Variants in TMPRSS6 observed in about 807,000 individuals in gnomAD.
TMPRSS6 encodes the protein transmembrane serine protease 6.
In TMPRSS6, 67 loss-of-function variants were observed where a neutral mutation model predicts 101.5. The observed-to-expected ratio is 0.66, with a 90% CI of 0.54 to 0.81. The LOEUF is 0.81. Among genes scored for constraint, TMPRSS6 ranks in the 30% least tolerant of loss-of-function variants. The pLI, the probability that TMPRSS6 is intolerant of heterozygous loss-of-function variation, is 0.00. For missense variants in TMPRSS6, 1,034 were observed against 1,088.7 expected, an observed-to-expected ratio of 0.95 and a Z score of 0.71; for synonymous variants, 453 against 464.9, an observed-to-expected ratio of 0.97 and a Z score of 0.33.
chr22:37,085,243 G>C (rs1928641701), intron 8 of TMPRSS6, among the ~76,000 whole-genome samples: 1 of 152,112 alleles, frequency 6.6e-6, no homozygotes, highest in South Asian at 2.1e-4. Context: ...CTTGGTTGAG[G>C]CTACACCGTG....
intron 10 of TMPRSS6, among the ~76,000 whole-genome samples, chr22:37,078,943 G>GAGAAAAAGAAAGAAAGAAAGAA (rs1484386942): frequency 8.0e-6 from 1 of 124,724 alleles, no homozygotes; most frequent in African/African-American, 3.0e-5. Context: ...GAAGGAGAAG[G>GAGAAAAAGAAAGAAAGAAAGAA]AGAAGGAGAA....
upstream of TMPRSS6, among the ~76,000 whole-genome samples, chr22:37,110,485 G>A (rs990634700): frequency 5.9e-5 from 9 of 152,048 alleles, no homozygotes; most frequent in Non-Finnish European, 7.4e-5. Flanking sequence ...TGTCCATGAC[G>A]GTAGCCGCTG....
In TMPRSS6 at chr22:37,109,491, G is replaced by A. The variant is rs2146205071; in HGVS notation, c.-2+12C>T. The A allele has an allele frequency of 1.3e-5, 2 of 152,594 alleles. No individual in the cohort carries two copies. Among genetic ancestry groups the A allele is most frequent in the South Asian group, 2.1e-4 (1 of 4,832 alleles). The allele number at this position is 152,594 out of a possible 1,614,324, so 9.5% of individuals were successfully genotyped here. On this transcript the variant is annotated intron_variant, in intron 1 of 17. Coordinates refer to ENST00000676104, the MANE Select transcript of TMPRSS6 (RefSeq NM_001374504.1). ...TAGATCCCGGTCCCCTGTCCTGGAG[G>A]CCCCCGCTTACCTTTGGGAGCGGCA...
intron 2 of TMPRSS6, among the ~76,000 whole-genome samples, chr22:37,099,338 G>C (rs931508693): frequency 6.6e-6 from 1 of 152,200 alleles, no homozygotes; most frequent in African/African-American, 2.4e-5. Context: ...GGGGAGGGGC[G>C]GCAAGGAGCT....
At chr22:37,096,337 G>C (rs1929760362) in intron 4 of TMPRSS6, among the ~76,000 whole-genome samples, 1 of 152,228 alleles carries the variant, frequency 6.6e-6, no homozygotes, top group African/African-American at 2.4e-5. Context: ...ACCAGATGTG[G>C]ACGGGGCAGT....
chr22:37,108,973 T>A (rs1930892778), intron 1 of TMPRSS6, among the ~76,000 whole-genome samples: 1 of 152,052 alleles, frequency 6.6e-6, no homozygotes, highest in Admixed American at 6.6e-5. Flanking sequence ...TATACGCACA[T>A]CTATTCATGA....
At chr22:37,095,416 G>T in intron 6 of TMPRSS6, 135 bp downstream of exon 6, 1 of 1,103,250 alleles carries the variant, frequency 9.1e-7, no homozygotes. Context: ...AGTCCACCAT[G>T]GCATCCCCTG....
intron 11 of TMPRSS6, 146 bp from the exon 12 acceptor site, chr22:37,074,854 C>A: frequency 1.1e-6 from 1 of 902,962 alleles, no homozygotes. Context: ...CACCTGTGTA[C>A]ACAGTCCAAG....
At chr22:37,076,344 C>T (rs181157783) in intron 10 of TMPRSS6, among the ~76,000 whole-genome samples, 14 of 152,304 alleles carry the variant, frequency 9.2e-5, no homozygotes, top group African/African-American at 2.6e-4. Flanking sequence ...TGATGGGCAG[C>T]ACCTTCTCTG....
At chr22:37,092,192 G>C (rs924787339) in intron 6 of TMPRSS6, among the ~76,000 whole-genome samples, 2 of 151,728 alleles carry the variant, frequency 1.3e-5, no homozygotes, top group African/African-American at 2.4e-5. Context: ...GGGCTGGGAG[G>C]AATTAACTGA....
intron 13 of TMPRSS6, among the ~76,000 whole-genome samples, chr22:37,072,257 GAT>G (rs1927045238): frequency 7.1e-6 from 1 of 141,002 alleles, no homozygotes; most frequent in African/African-American, 2.8e-5. Flanking sequence ...ATGATGGATG[GAT>G]GGATGATGGA....
At chr22:37,094,028 T>C (rs930822356) in intron 6 of TMPRSS6, among the ~76,000 whole-genome samples, 8 of 151,844 alleles carry the variant, frequency 5.3e-5, no homozygotes, top group African/African-American at 1.5e-4. Flanking sequence ...GTTATATATA[T>C]ATATATGTCA....
rs1298407272 is a variant in TMPRSS6, at chr22:37,103,255, C to G, written c.163G>C (p.Val55Leu). ...AGTAGCACCCCCGCCGAAGCCAGCA[C>G]GAGCAGGGCCAGCAGCACAAACAGG... ...VPLFVLLALL[V>L]LASAGVLLWY... Residue 55 changes from valine (V) to leucine (L), a missense_variant, in exon 2 of 18, where the codon GTG (valine) becomes CTG (leucine). Coordinates refer to ENST00000676104, the MANE Select transcript of TMPRSS6 (RefSeq NM_001374504.1). This position sits in a 1 kb window ranked among gnomAD's most constrained non-coding sequence, Gnocchi z 4.4. 6.2e-7 allele frequency: 1 copy of G among 1,614,074 alleles called. No individual in the cohort carries two copies. The highest frequency in any genetic ancestry group is 8.5e-7 in the Non-Finnish European group (1 of 1,179,950).
chr22:37,099,964 T>TTTTTG (rs1040675207), intron 2 of TMPRSS6, among the ~76,000 whole-genome samples: 1 of 151,534 alleles, frequency 6.6e-6, no homozygotes, highest in Non-Finnish European at 1.5e-5. Context: ...TTTCTTTTTG[T>TTTTTG]TTTTGTTTTG....
intron 10 of TMPRSS6, among the ~76,000 whole-genome samples, chr22:37,080,900 C>T (rs554073156): frequency 2.9e-4 from 44 of 152,386 alleles, no homozygotes; most frequent in African/African-American, 9.6e-4. Flanking sequence ...AGGGAAGAAT[C>T]GCACACGTGG....
chr22:37,069,361 TG>T lies in TMPRSS6; in HGVS notation c.1842-18del. On this transcript the variant is annotated intron_variant, in intron 15 of 17. Coordinates refer to ENST00000676104, the MANE Select transcript of TMPRSS6 (RefSeq NM_001374504.1). The surrounding 1 kb of genome is among the most constrained non-coding windows in gnomAD (Gnocchi z 4.8). ...GAGGCCATGCTGGGGTGGGGTGGGG[TG>T]GGGTGGGGTGGGGTGAGGTGAGGTG... 1 of 122,450 alleles carries T rather than the reference TG, an allele frequency of 8.2e-6. No individual in the cohort carries two copies. The allele number at this position is 122,450 out of a possible 1,614,324, so 7.6% of individuals were successfully genotyped here.
chr22:37,083,042 C>A (rs1271360370), intron 10 of TMPRSS6: 4 of 471,010 alleles, frequency 8.5e-6, no homozygotes, highest in African/African-American at 8.0e-5. Flanking sequence ...CCAGAGCCTT[C>A]CAATTTTGGC....
chr22:37,084,849 G>C lies in TMPRSS6; in HGVS notation c.974-10C>G, dbSNP rs1044098683. ...AGGTTCACTTCACAGGCTGGACCAG[G>C]AGAGCAGCTGTTACACAGGGGTCCC... On this transcript the variant is annotated splice_polypyrimidine_tract_variant and intron_variant, in intron 8 of 17. Transcript: ENST00000676104. 1 of 1,550,120 alleles carries C rather than the reference G, an allele frequency of 6.5e-7. No individual in the cohort carries two copies. Among genetic ancestry groups the C allele is most frequent in the African/African-American group, 1.4e-5 (1 of 73,186 alleles).
chr22:37,087,666 A>G (rs1037879803), intron 7 of TMPRSS6, among the ~76,000 whole-genome samples: 4 of 150,896 alleles, frequency 2.7e-5, no homozygotes, highest in African/African-American at 9.8e-5. Flanking sequence ...AGTCTCCCCA[A>G]CCACACCGGT....
Sources: allele counts gnomAD v4.1 joint callset (sites outside exome capture counted in the v4.1 genomes callset), GRCh38; gene constraint gnomAD v4.1.1; non-coding constraint Gnocchi (gnomAD v3.1); transcripts MANE v1.5; gene names NCBI Gene and HGNC (gene_info 2026-07-23, HGNC 2026-07-21).